CCDC7: variants seen among roughly 807,000 people sequenced by gnomAD.
CCDC7 encodes the protein coiled-coil domain-containing protein 7.
CCDC7 carries 183 observed loss-of-function variants against 196.9 expected under a neutral mutation model. The observed-to-expected ratio is 0.93, with a 90% CI of 0.82 to 1.05. The LOEUF (loss-of-function observed/expected upper bound fraction) is 1.05. Ranked by LOEUF, CCDC7 falls within the 50% of genes least tolerant of loss-of-function variation. The pLI is 0.00. For synonymous variants in CCDC7, 525 were observed against 484.6 expected (o/e 1.08, Z -1.10); for missense variants, 1,540 against 1,482.2 (o/e 1.04, Z -0.64).
chr10:32,757,358 C>T (rs932943180), intron 28 of CCDC7, among the ~76,000 whole-genome samples: 1 of 152,156 alleles, frequency 6.6e-6, no homozygotes, highest in African/African-American at 2.4e-5. Flanking sequence ...GGAAGCAAAG[C>T]ACTCCTCAGC....
At chr10:32,823,392 G>A (rs948973692) in intron 31 of CCDC7, among the ~76,000 whole-genome samples, 13 of 152,012 alleles carry the variant, frequency 8.6e-5, no homozygotes, top group Non-Finnish European at 1.6e-4. Flanking sequence ...TGCCCACCTC[G>A]GCCTCCCAAA....
chr10:32,691,418 A>T (rs2077065147), intron 23 of CCDC7, among the ~76,000 whole-genome samples: 1 of 152,042 alleles, frequency 6.6e-6, no homozygotes, highest in African/African-American at 2.4e-5. Flanking sequence ...TCACCCAGGA[A>T]TGGGTGCCAA....
At chr10:32,617,890 C>T (rs911448164) in intron 18 of CCDC7, among the ~76,000 whole-genome samples, 12 of 151,852 alleles carry the variant, frequency 7.9e-5, no homozygotes, top group Non-Finnish European at 1.5e-4. Context: ...TGACGTCCTC[C>T]TCTATTATTG....
At chr10:32,518,336 C>A in intron 10 of CCDC7, 80 bp from the exon 12 acceptor site, 1 of 1,379,556 alleles carries the variant, frequency 7.2e-7, no homozygotes, top group Non-Finnish European at 9.6e-7. Flanking sequence ...GACTTTCTTA[C>A]CTTAATAATT....
At chr10:32,522,234 G>A (rs1048499713) in intron 11 of CCDC7, among the ~76,000 whole-genome samples, 9 of 152,090 alleles carry the variant, frequency 5.9e-5, no homozygotes, top group Non-Finnish European at 1.3e-4. Flanking sequence ...TTTTTGGGAT[G>A]GTTTTAATAG....
chr10:32,804,881 C>A, intron 29 of CCDC7, 134 bp from the exon 31 acceptor site: 1 of 609,700 alleles, frequency 1.6e-6, no homozygotes, highest in Non-Finnish European at 2.9e-6. Context: ...GCAATTCAGA[C>A]ATTTTGCTAT....
At chr10:32,701,444 T>A (rs1407247087) in intron 24 of CCDC7, among the ~76,000 whole-genome samples, 1 of 152,234 alleles carries the variant, frequency 6.6e-6, no homozygotes, top group Non-Finnish European at 1.5e-5. Flanking sequence ...GATTTTTACA[T>A]CCATGTTCAT....
chr10:32,704,883 G>A (rs965780756), intron 24 of CCDC7, among the ~76,000 whole-genome samples: 4 of 152,154 alleles, frequency 2.6e-5, no homozygotes, highest in Non-Finnish European at 2.9e-5. Flanking sequence ...TAGGTTGGGA[G>A]TGACTCGATT....
intron 8 of CCDC7, among the ~76,000 whole-genome samples, chr10:32,484,054 C>G (rs369430552): frequency 1.8e-4 from 28 of 152,184 alleles, no homozygotes; most frequent in South Asian, 1.2e-3. Context: ...TAGCTTGATG[C>G]GGATGGCATT....
At chr10:32,873,535 CGTCAAA>C (rs1039758069) in intron 41 of CCDC7, among the ~76,000 whole-genome samples, 1 of 151,896 alleles carries the variant, frequency 6.6e-6, no homozygotes, top group Admixed American at 6.6e-5. Context: ...TCTCTCAACT[CGTCAAA>C]GTCATTCTCT....
At chr10:32,793,059 T>G (rs780147852) in intron 29 of CCDC7, among the ~76,000 whole-genome samples, 2 of 152,194 alleles carry the variant, frequency 1.3e-5, no homozygotes, top group Non-Finnish European at 2.9e-5. Context: ...GAGTAGATTT[T>G]TAAAAATACA....
intron 21 of CCDC7, among the ~76,000 whole-genome samples, chr10:32,664,900 A>G (rs1487507550): frequency 6.6e-6 from 1 of 152,034 alleles, no homozygotes; most frequent in African/African-American, 2.4e-5. Flanking sequence ...AGTGTTTTCC[A>G]TTATGGCTTT....
At chr10:32,818,286 A>G (rs2089287693) in intron 31 of CCDC7, among the ~76,000 whole-genome samples, 1 of 152,260 alleles carries the variant, frequency 6.6e-6, no homozygotes, top group Non-Finnish European at 1.5e-5. Context: ...AAGAAGAGCT[A>G]ACTATCCTAA....
chr10:32,593,998 G>A (rs1183401688), intron 18 of CCDC7, among the ~76,000 whole-genome samples: 1 of 152,138 alleles, frequency 6.6e-6, no homozygotes, highest in South Asian at 2.1e-4. Context: ...CTCCAGCTTT[G>A]TTCTTTTGGC....
At chr10:32,500,498 G>T (rs1191451826) in intron 9 of CCDC7, among the ~76,000 whole-genome samples, 1 of 151,660 alleles carries the variant, frequency 6.6e-6, no homozygotes, top group East Asian at 1.9e-4. Flanking sequence ...GGGCGGCGGG[G>T]CAGAGACGCT....
intron 28 of CCDC7, among the ~76,000 whole-genome samples, chr10:32,770,703 T>C (rs1454860569): frequency 6.6e-6 from 1 of 152,192 alleles, no homozygotes; most frequent in Non-Finnish European, 1.5e-5. Context: ...TTGAGTGTTA[T>C]CAGTGGTCTA....
intron 29 of CCDC7, among the ~76,000 whole-genome samples, chr10:32,798,651 C>A (rs1321683312): frequency 6.6e-6 from 1 of 152,242 alleles, no homozygotes; most frequent in Non-Finnish European, 1.5e-5. Flanking sequence ...ACCATCCAGG[C>A]AAACTATTGG....
chr10:32,699,816 A>G (rs1443446767), intron 24 of CCDC7, among the ~76,000 whole-genome samples: 3 of 149,476 alleles, frequency 2.0e-5, no homozygotes, highest in Non-Finnish European at 4.4e-5. Context: ...GATGATGAGC[A>G]TTTTTTCATC....
chr10:32,862,661 C>T (rs1307139933), intron 41 of CCDC7, among the ~76,000 whole-genome samples: 1 of 151,992 alleles, frequency 6.6e-6, no homozygotes, highest in Non-Finnish European at 1.5e-5. Flanking sequence ...CTCACCAGTT[C>T]TATTTGTTCA....
Sources: allele counts gnomAD v4.1 joint callset (sites outside exome capture counted in the v4.1 genomes callset), GRCh38; gene constraint gnomAD v4.1.1; transcripts MANE v1.5; gene names NCBI Gene and HGNC (gene_info 2026-07-23, HGNC 2026-07-21).